Variants in KHDRBS2 observed in about 807,000 individuals in gnomAD.
KHDRBS2 encodes the protein KH RNA binding domain containing, signal transduction associated 2.
In KHDRBS2, 26 loss-of-function variants were observed where a neutral mutation model predicts 44.3. The observed-to-expected ratio is 0.59, with a 90% confidence interval of 0.43 to 0.81. KHDRBS2 has a LOEUF of 0.81. KHDRBS2 is among the 40% of genes least tolerant of loss of function. The probability of loss-of-function intolerance (pLI) is 0.00; values close to 1 mark genes in which losing one functional copy is unlikely to be tolerated. For synonymous variants in KHDRBS2, 194 were observed against 151.1 expected (o/e 1.28, Z -2.08); for missense variants, 476 against 433.1 (o/e 1.10, Z -0.88).
intron 1 of KHDRBS2, among the ~76,000 whole-genome samples, chr6:62,232,700 ATCT>A (rs1833076594): frequency 6.6e-6 from 1 of 152,146 alleles, no homozygotes; most frequent in African/African-American, 2.4e-5. Flanking sequence ...ACAGATTATT[ATCT>A]TCTTTTGTCC....
At chr6:61,601,104 T>C in the KHDRBS2 span, among the ~76,000 whole-genome samples, 1 of 152,052 alleles carries the variant, frequency 6.6e-6, no homozygotes, top group Non-Finnish European at 1.5e-5. Context: ...GGCAAGTCAA[T>C]TGTGGGGATG....
intron 2 of KHDRBS2, 123 bp from the exon 3 acceptor site, chr6:62,048,117 A>AAGAT: frequency 3.8e-6 from 2 of 523,692 alleles, no homozygotes; most frequent in Admixed American, 3.0e-5. Context: ...TCATGCCATA[A>AAGAT]ACATACACAC....
rs566867128 is a variant in KHDRBS2 at position 61,928,949 on chromosome 6, G to A, written c.484-27578C>T. 7.9e-5 allele frequency among the ~76,000 whole-genome samples: 12 copies of A among 152,092 alleles called. No individual in the cohort carries two copies. In the South Asian group the frequency reaches 2.5e-3, roughly 32 times the overall value. ...TCATTATTTTTTAAGACTAGTGGAAGCTCTTTGGTAGTGAAATTTGAAAGG... is the reference window on the plus strand; with the variant it reads ...TCATTATTTTTTAAGACTAGTGGAAACTCTTTGGTAGTGAAATTTGAAAGG... On this transcript the variant is annotated intron_variant, in intron 4 of 8. Coordinates refer to ENST00000281156, the MANE Select transcript of KHDRBS2 (RefSeq NM_152688.4).
the KHDRBS2 span, among the ~76,000 whole-genome samples, chr6:61,583,495 A>T: frequency 6.6e-6 from 1 of 151,708 alleles, no homozygotes; most frequent in Non-Finnish European, 1.5e-5. Flanking sequence ...ACCTCAATGA[A>T]TTACTTTGAC....
chr6:62,201,236 A>T (rs868446107), intron 1 of KHDRBS2, among the ~76,000 whole-genome samples: 54 of 144,962 alleles, frequency 3.7e-4, no homozygotes, highest in African/African-American at 1.5e-3. Context: ...AAGTATTATT[A>T]AAAAAAATTT....
chr6:61,894,928 G>T, intron 5 of KHDRBS2, 95 bp from the exon 6 acceptor site: 1 of 745,038 alleles, frequency 1.3e-6, no homozygotes, highest in South Asian at 1.6e-5. Context: ...TCCATACAAT[G>T]AAATAAATAC....
At chr6:61,598,824 C>A in the KHDRBS2 span, among the ~76,000 whole-genome samples, 34 of 71,714 alleles carry the variant, frequency 4.7e-4, no homozygotes, top group Non-Finnish European at 8.9e-4. Flanking sequence ...GGTAGAGTGT[C>A]CTTTTTTCTT....
At chr6:61,856,861 G>C (rs1796232906) in intron 6 of KHDRBS2, among the ~76,000 whole-genome samples, 1 of 152,024 alleles carries the variant, frequency 6.6e-6, no homozygotes, top group Non-Finnish European at 1.5e-5. Flanking sequence ...CCAGATATAT[G>C]CAGTAGTTTT....
Position 62,265,227 on chromosome 6 carries a change from T to C in KHDRBS2, c.91+20631A>G, listed in dbSNP as rs553506133. On this transcript the variant is annotated intron_variant, in intron 1 of 8. Coordinates refer to ENST00000281156, the MANE Select transcript of KHDRBS2 (RefSeq NM_152688.4). ...TATCTAGAAAATGAGCTATTTGATC[T>C]TGTTCATACAATAAGTGATTAAATG... is the stretch of plus-strand genomic sequence containing the variant. Among the ~76,000 whole-genome samples, 4 of 152,128 alleles carry C rather than the reference T, an allele frequency of 2.6e-5. No individual in the cohort carries two copies. The East Asian group carries it at 7.8e-4, about 30-fold the overall frequency.
At chr6:62,205,162 G>A (rs1015637600) in intron 1 of KHDRBS2, among the ~76,000 whole-genome samples, 1 of 152,008 alleles carries the variant, frequency 6.6e-6, no homozygotes, top group Non-Finnish European at 1.5e-5. Flanking sequence ...ATACCTTGTG[G>A]GACCTGGAAT....
At chr6:61,874,300 A>T (rs182054108) in intron 6 of KHDRBS2, among the ~76,000 whole-genome samples, 1 of 152,290 alleles carries the variant, frequency 6.6e-6, no homozygotes, top group African/African-American at 2.4e-5. Context: ...CTAATATTTG[A>T]TACCTCTTTC....
At chr6:62,009,704 G>T (rs1037400233) in intron 3 of KHDRBS2, among the ~76,000 whole-genome samples, 33 of 152,208 alleles carry the variant, frequency 2.2e-4, no homozygotes, top group Non-Finnish European at 4.4e-4. Context: ...GCTGAAAGGG[G>T]TCAAAGTAGA....
chr6:62,047,838 C>A, intron 3 of KHDRBS2, 40 bp downstream of exon 3: 2 of 1,303,366 alleles, frequency 1.5e-6, no homozygotes, highest in South Asian at 2.4e-5. Flanking sequence ...TTATAGGTAA[C>A]CTCCTGAATG....
At chr6:61,596,209 C>A in the KHDRBS2 span, among the ~76,000 whole-genome samples, 1 of 152,038 alleles carries the variant, frequency 6.6e-6, no homozygotes, top group Non-Finnish European at 1.5e-5. Flanking sequence ...AGCAGGCAGC[C>A]CTTACAGCTT....
intron 1 of KHDRBS2, among the ~76,000 whole-genome samples, chr6:62,244,424 T>TA (rs1222986045): frequency 5.9e-5 from 9 of 152,156 alleles, no homozygotes; most frequent in African/African-American, 2.2e-4. Flanking sequence ...AGTTCTGCTT[T>TA]AAAAAACAAA....
intron 2 of KHDRBS2, among the ~76,000 whole-genome samples, chr6:62,089,606 A>T (rs1799116690): frequency 6.6e-6 from 1 of 151,988 alleles, no homozygotes; most frequent in Non-Finnish European, 1.5e-5. Flanking sequence ...TCAGTTGGAA[A>T]TGCAGAAATC....
chr6:62,129,501 A>T (rs941244492), intron 2 of KHDRBS2, among the ~76,000 whole-genome samples: 1 of 152,140 alleles, frequency 6.6e-6, no homozygotes, highest in African/African-American at 2.4e-5. Context: ...AACGGAACTT[A>T]AGAAGAGCAA....
intron 1 of KHDRBS2, among the ~76,000 whole-genome samples, chr6:62,272,822 A>G (rs1840297439): frequency 6.6e-6 from 1 of 152,168 alleles, no homozygotes; most frequent in South Asian, 2.1e-4. Context: ...GTTTTGTAAA[A>G]GGATGTTCCA....
At chr6:61,557,836 A>C in the KHDRBS2 span, among the ~76,000 whole-genome samples, 1 of 152,038 alleles carries the variant, frequency 6.6e-6, no homozygotes, top group Non-Finnish European at 1.5e-5. Context: ...TGGTCTGTTG[A>C]GGTTTTGCAT....
Sources: gnomAD v4.1 joint callset for allele counts (sites outside exome capture counted in the v4.1 genomes callset) on GRCh38, gnomAD v4.1.1 for gene constraint, MANE v1.5 for transcripts, NCBI Gene and HGNC (gene_info 2026-07-23, HGNC 2026-07-21) for gene names.